Variants in NCOA2 observed in about 807,000 individuals in gnomAD.
NCOA2 encodes class E basic helix-loop-helix protein 75.
A neutral mutation model predicts 145.1 loss-of-function variants in NCOA2; 21 were observed. That is an observed-to-expected ratio of 0.14 (90% CI 0.10 to 0.21). NCOA2 has a LOEUF of 0.21. Among genes scored for constraint, NCOA2 ranks in the 10% least tolerant of loss-of-function variants. The pLI, the probability that NCOA2 is intolerant of heterozygous loss-of-function variation, is 1.00. For missense variants in NCOA2, 1,472 were observed against 1,837.6 expected, an observed-to-expected ratio of 0.80 and a Z score of 3.64; for synonymous variants, 619 against 637.5, an observed-to-expected ratio of 0.97 and a Z score of 0.44.
intron 4 of NCOA2, among the ~76,000 whole-genome samples, chr8:70,186,965 T>A (rs1415254929): frequency 6.6e-6 from 1 of 152,228 alleles, no homozygotes; most frequent in Non-Finnish European, 1.5e-5. Context: ...TTTAAATACA[T>A]CTTTAAAATG....
chr8:70,213,805 G>C, intron 4 of NCOA2, 98 bp downstream of exon 4: 1 of 955,190 alleles, frequency 1.0e-6, no homozygotes, highest in Non-Finnish European at 1.5e-6. Context: ...AATAATTTAA[G>C]CATAAGAAAT....
chr8:70,441,837 A>G, the NCOA2 span, among the ~76,000 whole-genome samples: 1 of 151,012 alleles, frequency 6.6e-6, no homozygotes, highest in Non-Finnish European at 1.5e-5. Flanking sequence ...AAAGAAAGAA[A>G]GAAAGACAGA....
chr8:70,176,511 G>A (rs1360592659), intron 4 of NCOA2, among the ~76,000 whole-genome samples: 2 of 152,042 alleles, frequency 1.3e-5, no homozygotes, highest in East Asian at 1.9e-4. Context: ...CTTCTGAGGC[G>A]GCAAATACCT....
intron 11 of NCOA2, among the ~76,000 whole-genome samples, chr8:70,153,029 T>C (rs1214413355): frequency 6.6e-6 from 1 of 152,206 alleles, no homozygotes; most frequent in African/African-American, 2.4e-5. Flanking sequence ...GAAAGAATCA[T>C]TGTTTTTTTC....
chr8:70,147,125 C>CGT (rs376791787), intron 12 of NCOA2, among the ~76,000 whole-genome samples: 4,504 of 145,276 alleles, frequency 0.031, 109 homozygotes, highest in African/African-American at 0.058. Context: ...CGCGCGCGCG[C>CGT]GCGTGTGTGT....
chr8:70,417,090 T>C, the NCOA2 span, among the ~76,000 whole-genome samples: 2 of 151,784 alleles, frequency 1.3e-5, no homozygotes, highest in Non-Finnish European at 2.9e-5. Context: ...TAAATGGTCA[T>C]GTGGTTGTAG....
chr8:70,195,437 C>A (rs368100140), intron 4 of NCOA2, among the ~76,000 whole-genome samples: 2 of 152,244 alleles, frequency 1.3e-5, no homozygotes, highest in African/African-American at 4.8e-5. Flanking sequence ...CTGATTGAAA[C>A]GTGGGGTCCT....
At chr8:70,327,960 T>G (rs1303734233) in intron 1 of NCOA2, among the ~76,000 whole-genome samples, 1 of 152,184 alleles carries the variant, frequency 6.6e-6, no homozygotes, top group African/African-American at 2.4e-5. Context: ...AGATTGTCAT[T>G]AACCTTACCA....
At chr8:70,404,547 G>A (rs1416658970), upstream of NCOA2, among the ~76,000 whole-genome samples, 2 of 152,224 alleles carry the variant, frequency 1.3e-5, no homozygotes, top group Admixed American at 1.3e-4. Context: ...CTCCAACAGG[G>A]AGAGGCTTCT....
chr8:70,447,687 T>C, the NCOA2 span, among the ~76,000 whole-genome samples: 55 of 145,784 alleles, frequency 3.8e-4, no homozygotes, highest in African/African-American at 1.4e-3. Context: ...GTTTTCTTTT[T>C]TTTTTTTTTT....
the NCOA2 span, among the ~76,000 whole-genome samples, chr8:70,414,423 G>T: frequency 6.6e-6 from 1 of 152,140 alleles, no homozygotes; most frequent in African/African-American, 2.4e-5. Context: ...CTCTGGAGAT[G>T]ATTGTTTTCC....
At chr8:70,169,980 C>T (rs1036124732) in intron 6 of NCOA2, among the ~76,000 whole-genome samples, 2 of 151,972 alleles carry the variant, frequency 1.3e-5, no homozygotes, top group Non-Finnish European at 2.9e-5. Flanking sequence ...AATATAGGAT[C>T]GAAAATGATC....
chr8:70,265,379 T>C (rs1056234483), intron 2 of NCOA2, among the ~76,000 whole-genome samples: 8 of 152,236 alleles, frequency 5.3e-5, no homozygotes, highest in African/African-American at 1.9e-4. Flanking sequence ...AATGAATGTC[T>C]GTTGTTTCAG....
chr8:70,350,669 G>A (rs1420491538), intron 1 of NCOA2, among the ~76,000 whole-genome samples: 2 of 152,132 alleles, frequency 1.3e-5, no homozygotes, highest in Non-Finnish European at 2.9e-5. Context: ...TATTTTCACT[G>A]TTTCTCTTCA....
chr8:70,380,573 A>C (rs1391751032), intron 1 of NCOA2, among the ~76,000 whole-genome samples: 1 of 152,130 alleles, frequency 6.6e-6, no homozygotes, highest in African/African-American at 2.4e-5. Context: ...CAGAGCTTAG[A>C]ACTGTGTGTG....
At chr8:70,180,549 T>A (rs1388858012) in intron 4 of NCOA2, among the ~76,000 whole-genome samples, 1 of 152,206 alleles carries the variant, frequency 6.6e-6, no homozygotes, top group African/African-American at 2.4e-5. Context: ...TATTCGTGCT[T>A]TCTCTTAGAA....
chr8:70,360,471 A>T (rs1210016807), intron 1 of NCOA2, among the ~76,000 whole-genome samples: 2 of 152,218 alleles, frequency 1.3e-5, no homozygotes, highest in East Asian at 3.8e-4. Context: ...TTTAAAGGGT[A>T]GTTAATTACA....
At position 70,163,451 on chromosome 8, in the gene NCOA2, G is replaced by A; in HGVS notation, c.832+14C>T. The A allele has an allele frequency of 6.3e-7, 1 of 1,585,796 alleles. No individual in the cohort carries two copies. Among genetic ancestry groups the A allele is most frequent in the East Asian group, 2.2e-5 (1 of 44,730 alleles). On this transcript the variant is annotated intron_variant, in intron 8 of 22. Transcript: ENST00000452400. ...AAAATGATTCCTTTGGTCTTCTTTG[G>A]AGAGGAAATTTACCTTGGAGATCCT...
chr8:70,374,554 A>G (rs1055259581), intron 1 of NCOA2, among the ~76,000 whole-genome samples: 7 of 152,192 alleles, frequency 4.6e-5, no homozygotes, highest in Admixed American at 2.6e-4. Context: ...TGTTATCCCA[A>G]CAACTTGGGA....
Sources: gnomAD v4.1 joint callset for allele counts (sites outside exome capture counted in the v4.1 genomes callset) on GRCh38, gnomAD v4.1.1 for gene constraint, MANE v1.5 for transcripts, NCBI Gene and HGNC (gene_info 2026-07-23, HGNC 2026-07-21) for gene names.